Variants in IFNA7 observed in about 807,000 individuals in gnomAD.
The protein encoded by IFNA7 is interferon alpha 7, also known as interferon alpha-7.
For synonymous variants in IFNA7, 119 were observed against 81.1 expected, an observed-to-expected ratio of 1.47 and a Z score of -2.51; for missense variants, 278 against 216.3, an observed-to-expected ratio of 1.29 and a Z score of -1.79.
chr9:21,201,966 T>C lies in IFNA7; in HGVS notation c.200A>G (p.Asp67Gly), dbSNP rs775460434. 1.4e-5 allele frequency: 23 copies of C among 1,613,292 alleles called. No homozygotes were observed. The highest frequency in any genetic ancestry group is 1.9e-5 in the Non-Finnish European group (23 of 1,179,934). The change falls in exon 1 of 1, where the codon GAT becomes GGT. Residue 67 changes from aspartate to glycine, a missense_variant. Physicochemically the swap from Asp to Gly is moderately conservative, Grantham distance 94 (BLOSUM62 -1). Transcript: ENST00000239347. Reference protein sequence around the residue: ...HEFRFPEEEFDGHQFQKTQAI... With the variant: ...HEFRFPEEEFGGHQFQKTQAI... ...TTGAGTCTTCTGGAACTGGTGGCCA[T>C]CAAACTCCTCCTCTGGGAATCTGAA...
chr9:21,201,721 T>C lies in IFNA7; in HGVS notation c.445A>G (p.Arg149Gly). The C allele has an allele frequency of 6.2e-7, 1 of 1,613,828 alleles. No homozygotes were observed. The highest frequency in any genetic ancestry group is 8.5e-7 in the Non-Finnish European group (1 of 1,179,996). ...TTCTCCATTAGATAAAGAGTGATTC[T>C]TTGGAAGTATTTCCTCACAGCCAGG... ...FILAVRKYFQ[R>G]ITLYLMEKKY... Residue 149 changes from arginine to glycine, a missense_variant, in exon 1 of 1, where the codon AGA becomes GGA. Physicochemically the swap from Arg to Gly is moderately radical, Grantham distance 125 (BLOSUM62 -2). Transcript: ENST00000239347.
rs1251048822 is a variant in IFNA7, at chr9:21,201,563, T to G, written c.*33A>C. ...ATGAAAGTGTGAGATGATGCATTAG[T>G]CAATGAGAATCATTTCCATGATGAA... On this transcript the variant is annotated 3_prime_UTR_variant, in exon 1 of 1. Transcript: ENST00000239347. 6.2e-7 allele frequency: 1 copy of G among 1,607,090 alleles called. No individual in the cohort carries two copies. Among genetic ancestry groups the G allele is most frequent in the Non-Finnish European group, 8.5e-7 (1 of 1,178,306 alleles).
Position 21,201,566 on chromosome 9 carries a change from A to G in IFNA7, c.*30T>C. 1 of 1,607,868 alleles carries G rather than the reference A, an allele frequency of 6.2e-7. No homozygotes were observed. Among genetic ancestry groups the G allele is most frequent in the South Asian group, 1.1e-5 (1 of 89,918 alleles). ...AAAGTGTGAGATGATGCATTAGTCA[A>G]TGAGAATCATTTCCATGATGAACCA... is the stretch of plus-strand genomic sequence containing the variant. On this transcript the variant is annotated 3_prime_UTR_variant, in exon 1 of 1. Transcript: ENST00000239347.
rs781168112 is a variant in IFNA7, at chr9:21,201,906, G to A, written c.260C>T (p.Thr87Ile). 6 of 1,613,276 alleles carry A rather than the reference G, an allele frequency of 3.7e-6. No individual in the cohort carries two copies. The highest frequency in any genetic ancestry group is 5.1e-6 in the Non-Finnish European group (6 of 1,179,842). ...ISVLHEMIQQ[T>I]FNLFSTEDSS... ...GTCCTCTGTGCTGAAGAGATTGAAGGTCTGCTGGATCATCTCATGGAGGAC... is the reference window on the plus strand; with the variant it reads ...GTCCTCTGTGCTGAAGAGATTGAAGATCTGCTGGATCATCTCATGGAGGAC... Residue 87 changes from threonine (T) to isoleucine (I), a missense_variant, in exon 1 of 1, where the codon ACC becomes ATC. Coordinates refer to ENST00000239347, the MANE Select transcript of IFNA7 (RefSeq NM_021057.2).
chr9:21,201,805 C>T lies in IFNA7; in HGVS notation c.361G>A (p.Ala121Thr). The change falls in exon 1 of 1, where the codon GCA becomes ACA. Residue 121 changes from alanine to threonine, a missense_variant. Ala to Thr is a moderately conservative substitution (Grantham distance 58). Coordinates refer to ENST00000239347, the MANE Select transcript of IFNA7 (RefSeq NM_021057.2). ...ACCCCAACCTCCTGTATCACACATG[C>T]TTCCAGGTCATTCAGTTGCTGGTAA... is the stretch of plus-strand genomic sequence containing the variant. ...ELYQQLNDLEACVIQEVGVEE... is the reference protein window; with the variant it reads ...ELYQQLNDLETCVIQEVGVEE... 1.9e-6 allele frequency: 3 copies of T among 1,613,542 alleles called. No individual in the cohort carries two copies. Among genetic ancestry groups the T allele is most frequent in the Non-Finnish European group, 2.5e-6 (3 of 1,179,942 alleles).
In IFNA7 at chr9:21,201,492, C is replaced by G; in HGVS notation, c.*104G>C. On this transcript the variant is annotated 3_prime_UTR_variant, in exon 1 of 1. Transcript: ENST00000239347. ...CTGAAAACATTTGGAAATTTTGATT[C>G]AACTTGTGGTGGTTATAGAAGTGAG... is the stretch of plus-strand genomic sequence containing the variant. The G allele has an allele frequency of 6.6e-7, 1 of 1,519,970 alleles. No homozygotes were observed. Among genetic ancestry groups the G allele is most frequent in the Non-Finnish European group, 8.8e-7 (1 of 1,134,752 alleles). 94.2% of individuals were successfully genotyped at this position (1,519,970 alleles called of 1,614,324 possible). A position where few individuals can be genotyped will look rare whatever the true frequency, so the allele number is the denominator to read the frequency against.
At position 21,201,518 on chromosome 9, in the gene IFNA7, TC is replaced by T. The variant is rs1257732917; in HGVS notation, c.*77del. 1 of 1,560,484 alleles carries T rather than the reference TC, an allele frequency of 6.4e-7. No individual in the cohort carries two copies. Among genetic ancestry groups the T allele is most frequent in the Non-Finnish European group, 8.6e-7 (1 of 1,159,084 alleles). ...AACTTGTGGTGGTTATAGAAGTGAG[TC>T]TTTGAAATGGAAGAACTCATGAAAG... is the stretch of plus-strand genomic sequence containing the variant. On this transcript the variant is annotated 3_prime_UTR_variant, in exon 1 of 1. Coordinates refer to ENST00000239347, the MANE Select transcript of IFNA7 (RefSeq NM_021057.2).
Position 21,201,974 on chromosome 9 carries a change from C to A in IFNA7, c.192G>T (p.Glu64Asp), listed in dbSNP as rs1818164465. 1 of 1,613,306 alleles carries A rather than the reference C, an allele frequency of 6.2e-7. No individual in the cohort carries two copies. Among genetic ancestry groups the A allele is most frequent in the African/African-American group, 1.3e-5 (1 of 74,540 alleles). Residue 64 changes from glutamate to aspartate, a missense_variant, in exon 1 of 1, where the codon GAG (glutamate) becomes GAT (aspartate). Coordinates refer to ENST00000239347, the MANE Select transcript of IFNA7 (RefSeq NM_021057.2). ...KDRHEFRFPE[E>D]EFDGHQFQKT... is the part of the protein sequence containing the mutation. Reference sequence around the variant, plus strand: ...TCTGGAACTGGTGGCCATCAAACTCCTCCTCTGGGAATCTGAATTCATGTC... The same window carrying A: ...TCTGGAACTGGTGGCCATCAAACTCATCCTCTGGGAATCTGAATTCATGTC...
At position 21,202,039 on chromosome 9, in the gene IFNA7, G is replaced by T. The variant is rs753809251; in HGVS notation, c.127C>A (p.Gln43Lys). 2 of 1,613,482 alleles carry T rather than the reference G, an allele frequency of 1.2e-6. No individual in the cohort carries two copies. Among genetic ancestry groups the T allele is most frequent in the South Asian group, 2.2e-5 (2 of 91,042 alleles). ...GAGAAAGGAGAGATTCTTCCCATTT[G>T]TGCCAGGAGTATCAAGGCCCTCCTA... Reference protein sequence around the residue: ...RNRRALILLAQMGRISPFSCL... With the variant: ...RNRRALILLAKMGRISPFSCL... The change falls in exon 1 of 1, where the codon CAA becomes AAA. Residue 43 changes from glutamine to lysine, a missense_variant. Gln to Lys is a moderately conservative substitution (Grantham distance 53, BLOSUM62 1). Transcript: ENST00000239347.
In IFNA7 at chr9:21,201,891, C is replaced by A. The variant is rs1818163571; in HGVS notation, c.275G>T (p.Ser92Ile). The A allele has an allele frequency of 6.2e-7, 1 of 1,613,136 alleles. No homozygotes were observed. Among genetic ancestry groups the A allele is most frequent in the Admixed American group, 1.7e-5 (1 of 59,890 alleles). ...EMIQQTFNLF[S>I]TEDSSAAWEQ... ...CCAAGCAGCAGATGAGTCCTCTGTG[C>A]TGAAGAGATTGAAGGTCTGCTGGAT... is the stretch of plus-strand genomic sequence containing the variant. Residue 92 changes from serine (S) to isoleucine (I), a missense_variant, in exon 1 of 1, where the codon AGC becomes ATC. Coordinates refer to ENST00000239347, the MANE Select transcript of IFNA7 (RefSeq NM_021057.2).
Position 21,202,045 on chromosome 9 carries a change from G to T in IFNA7, c.121C>A (p.Leu41Met), listed in dbSNP as rs1442350515. 6.2e-7 allele frequency: 1 copy of T among 1,613,562 alleles called. No homozygotes were observed. Among genetic ancestry groups the T allele is most frequent in the South Asian group, 1.1e-5 (1 of 91,042 alleles). ...GGAGAGATTCTTCCCATTTGTGCCAGGAGTATCAAGGCCCTCCTATTACGC... is the reference window on the plus strand; with the variant it reads ...GGAGAGATTCTTCCCATTTGTGCCATGAGTATCAAGGCCCTCCTATTACGC... ...SLRNRRALIL[L>M]AQMGRISPFS... is the part of the protein sequence containing the mutation. The change falls in exon 1 of 1, where the codon CTG (leucine) becomes ATG (methionine). Residue 41 changes from leucine (L) to methionine (M), a missense_variant. Physicochemically the swap from Leu to Met is conservative, Grantham distance 15. Coordinates refer to ENST00000239347, the MANE Select transcript of IFNA7 (RefSeq NM_021057.2).
rs747390314 is a variant in IFNA7, at chr9:21,201,958, G to C, written c.208C>G (p.Gln70Glu). The part of the protein sequence containing the change: ...RFPEEEFDGH[Q>E]FQKTQAISVL... ...GAGATGGCTTGAGTCTTCTGGAACT[G>C]GTGGCCATCAAACTCCTCCTCTGGG... The change falls in exon 1 of 1, where the codon CAG (glutamine) becomes GAG (glutamate). Residue 70 changes from glutamine to glutamate, a missense_variant. Gln to Glu is a conservative substitution (Grantham distance 29). Coordinates refer to ENST00000239347, the MANE Select transcript of IFNA7 (RefSeq NM_021057.2). The C allele has an allele frequency of 1.2e-6, 2 of 1,613,368 alleles. No homozygotes were observed. The highest frequency in any genetic ancestry group is 8.5e-7 in the Non-Finnish European group (1 of 1,179,928).
At position 21,201,739 on chromosome 9, in the gene IFNA7, C is replaced by T. The variant is rs779210172; in HGVS notation, c.427G>A (p.Val143Met). 7 of 1,613,694 alleles carry T rather than the reference C, an allele frequency of 4.3e-6. No homozygotes were observed. The highest frequency in any genetic ancestry group is 3.3e-5 in the South Asian group (3 of 91,070). Residue 143 changes from valine to methionine, a missense_variant, in exon 1 of 1, where the codon GTG becomes ATG. Val to Met is a conservative substitution (Grantham distance 21, BLOSUM62 1). Transcript: ENST00000239347. ...GTGATTCTTTGGAAGTATTTCCTCACAGCCAGGATGAAGTCCTCATTCATC... is the reference window on the plus strand; with the variant it reads ...GTGATTCTTTGGAAGTATTTCCTCATAGCCAGGATGAAGTCCTCATTCATC... Reference protein sequence around the residue: ...PLMNEDFILAVRKYFQRITLY... With the variant: ...PLMNEDFILAMRKYFQRITLY...
Position 21,201,860 on chromosome 9 carries a change from C to G in IFNA7, c.306G>C (p.Gln102His), listed in dbSNP as rs772537152. ...STEDSSAAWE[Q>H]SLLEKFSTEL... ...CAGTGGAAAATTTTTCTAGGAGGCT[C>G]TGTTCCCAAGCAGCAGATGAGTCCT... is the stretch of plus-strand genomic sequence containing the variant. The change falls in exon 1 of 1, where the codon CAG becomes CAC. Residue 102 changes from glutamine (Q) to histidine (H), a missense_variant. Coordinates refer to ENST00000239347, the MANE Select transcript of IFNA7 (RefSeq NM_021057.2). 5 of 1,613,254 alleles carry G rather than the reference C, an allele frequency of 3.1e-6. No individual in the cohort carries two copies. Among genetic ancestry groups the G allele is most frequent in the Admixed American group, 1.7e-5 (1 of 59,898 alleles).
Position 21,201,964 on chromosome 9 carries a change from C to T in IFNA7, c.202G>A (p.Gly68Ser), listed in dbSNP as rs1353241108. The change falls in exon 1 of 1, where the codon GGC becomes AGC. Residue 68 changes from glycine (G) to serine (S), a missense_variant. Coordinates refer to ENST00000239347, the MANE Select transcript of IFNA7 (RefSeq NM_021057.2). ...GCTTGAGTCTTCTGGAACTGGTGGC[C>T]ATCAAACTCCTCCTCTGGGAATCTG... ...EFRFPEEEFD[G>S]HQFQKTQAIS... 3 of 1,613,376 alleles carry T rather than the reference C, an allele frequency of 1.9e-6. No individual in the cohort carries two copies. Among genetic ancestry groups the T allele is most frequent in the Admixed American group, 1.7e-5 (1 of 59,920 alleles).
chr9:21,202,111 T>C lies in IFNA7; in HGVS notation c.55A>G (p.Ile19Val). ...GGCAGATCACAGCCCAGAGAGCAGA[T>C]GGATTTGTAGCTGAGTACCAGCACG... ...MVVLVLSYKSICSLGCDLPQT... is the reference protein window; with the variant it reads ...MVVLVLSYKSVCSLGCDLPQT... The change falls in exon 1 of 1, where the codon ATC becomes GTC. Residue 19 changes from isoleucine to valine, a missense_variant. Coordinates refer to ENST00000239347, the MANE Select transcript of IFNA7 (RefSeq NM_021057.2). 6.2e-7 allele frequency: 1 copy of C among 1,613,414 alleles called. No individual in the cohort carries two copies. The highest frequency in any genetic ancestry group is 8.5e-7 in the Non-Finnish European group (1 of 1,179,866).
At position 21,201,923 on chromosome 9, in the gene IFNA7, A is replaced by C. The variant is rs755660909; in HGVS notation, c.243T>G (p.His81Gln). The change falls in exon 1 of 1, where the codon CAT becomes CAG. Residue 81 changes from histidine to glutamine, a missense_variant. Physicochemically the swap from His to Gln is conservative, Grantham distance 24. Coordinates refer to ENST00000239347, the MANE Select transcript of IFNA7 (RefSeq NM_021057.2). ...FQKTQAISVL[H>Q]EMIQQTFNLF... ...GATTGAAGGTCTGCTGGATCATCTC[A>C]TGGAGGACAGAGATGGCTTGAGTCT... The C allele has an allele frequency of 1.2e-6, 2 of 1,613,272 alleles. No individual in the cohort carries two copies. Among genetic ancestry groups the C allele is most frequent in the Non-Finnish European group, 1.7e-6 (2 of 1,179,896 alleles).
chr9:21,201,629 T>G lies in IFNA7; in HGVS notation c.537A>C (p.Thr179=). ...AEIMRSFSFS[T]NLKKGLRRKD is the part of the protein sequence containing the mutation. ...TCCTCCTTAATCCTTTTTTCAAGTT[T>G]GTTGAAAAAGAGAAGGATCTCATGA... The change falls in exon 1 of 1, where the codon ACA becomes ACC. Residue 179 remains threonine, a synonymous_variant. Transcript: ENST00000239347. 6.2e-7 allele frequency: 1 copy of G among 1,613,598 alleles called. No individual in the cohort carries two copies. The highest frequency in any genetic ancestry group is 1.1e-5 in the South Asian group (1 of 90,950).
rs761549500 is a variant in IFNA7, at chr9:21,202,158, C to A, written c.8G>T (p.Arg3Leu). MA[R>L]SFSLLMVVLV... is the part of the protein sequence containing the mutation. ...CACGACCATCAGTAAAGAAAAGGAC[C>A]GGGCCATTGGGATTTTGCAAATATC... is the stretch of plus-strand genomic sequence containing the variant. The change falls in exon 1 of 1, where the codon CGG becomes CTG. Residue 3 changes from arginine (R) to leucine (L), a missense_variant. Arg to Leu is a moderately radical substitution (Grantham distance 102). Transcript: ENST00000239347. 113 of 1,597,816 alleles carry A rather than the reference C, an allele frequency of 7.1e-5. No individual in the cohort carries two copies. The highest frequency in any genetic ancestry group is 2.5e-4 in the South Asian group (22 of 88,554).
Sources: gnomAD v4.1 joint callset for allele counts on GRCh38, gnomAD v4.1.1 for gene constraint, MANE v1.5 for transcripts, NCBI Gene and HGNC (gene_info 2026-07-23, HGNC 2026-07-21) for gene names.